The following PHF21B variants were observed in gnomAD, a reference collection of about 807,000 sequenced individuals.
PHF21B encodes the protein PHD finger protein 21B.
A neutral mutation model predicts 62.2 loss-of-function variants in PHF21B; 22 were observed. The observed-to-expected ratio is 0.35, with a 90% CI of 0.25 to 0.51. The LOEUF (loss-of-function observed/expected upper bound fraction) is 0.51. Among genes scored for constraint, PHF21B ranks in the 20% least tolerant of loss-of-function variants. PHF21B has a pLI of 0.97. For missense variants in PHF21B, 701 were observed against 707.9 expected (o/e 0.99, Z 0.11); for synonymous variants, 341 against 314.7 (o/e 1.08, Z -0.88).
At chr22:44,889,892 G>T in intron 8 of PHF21B, 110 bp from the exon 9 acceptor site, 1 of 1,189,366 alleles carries the variant, frequency 8.4e-7, no homozygotes, top group Non-Finnish European at 1.1e-6. Flanking sequence ...CCCAGGGCAT[G>T]ATGGGAGCAT....
chr22:44,918,525 G>A (rs1035901624), intron 3 of PHF21B, among the ~76,000 whole-genome samples: 6 of 152,150 alleles, frequency 3.9e-5, no homozygotes, highest in African/African-American at 1.2e-4. Context: ...GGAAGCCCCC[G>A]GGTCCACCCT....
At chr22:44,907,395 G>A (rs2071269400) in intron 5 of PHF21B, among the ~76,000 whole-genome samples, 1 of 152,222 alleles carries the variant, frequency 6.6e-6, no homozygotes, top group African/African-American at 2.4e-5. Flanking sequence ...TCCTAAAGGG[G>A]ACACGATCCC....
chr22:44,999,568 A>G (rs1187074125), intron 2 of PHF21B, among the ~76,000 whole-genome samples: 1 of 152,104 alleles, frequency 6.6e-6, no homozygotes, highest in East Asian at 1.9e-4. Context: ...GACGGTTACT[A>G]ACTTGCTGGG....
At chr22:44,905,294 T>C (rs1331800157) in intron 5 of PHF21B, among the ~76,000 whole-genome samples, 2 of 152,238 alleles carry the variant, frequency 1.3e-5, no homozygotes, top group African/African-American at 4.8e-5. Flanking sequence ...AAAGCACTAA[T>C]TATCTCTGTT....
At chr22:44,934,529 C>T (rs1042130650) in intron 2 of PHF21B, among the ~76,000 whole-genome samples, 27 of 152,274 alleles carry the variant, frequency 1.8e-4, no homozygotes, top group African/African-American at 6.0e-4. Context: ...AGAGCCCTCC[C>T]CTGCCAGGGC....
At chr22:44,996,160 T>C (rs1334360152) in intron 2 of PHF21B, among the ~76,000 whole-genome samples, 1 of 151,990 alleles carries the variant, frequency 6.6e-6, no homozygotes, top group Non-Finnish European at 1.5e-5. Context: ...AGGGGCTCGG[T>C]CTCTCCAGCG....
chr22:44,984,358 T>C lies in PHF21B; in HGVS notation c.120+24187A>G, dbSNP rs2147486879. 2.0e-5 allele frequency among the ~76,000 whole-genome samples: 3 copies of C among 151,596 alleles called. No individual in the cohort carries two copies. In the South Asian group the frequency reaches 6.3e-4, roughly 32 times the overall value. The stretch of plus-strand genomic sequence containing the variant: ...AGCATGACCTTCACATCTTTCCATC[T>C]GGTCAGGTGGCCAGGGAAAAGGTTA... On this transcript the variant is annotated intron_variant, in intron 2 of 12. Coordinates refer to ENST00000313237, the MANE Select transcript of PHF21B (RefSeq NM_138415.5).
At chr22:44,886,604 T>G (rs2070863305) in intron 10 of PHF21B, among the ~76,000 whole-genome samples, 1 of 151,844 alleles carries the variant, frequency 6.6e-6, no homozygotes, top group South Asian at 2.1e-4. Context: ...GGAAGATTGT[T>G]TGAGCCCCGA....
intron 2 of PHF21B, among the ~76,000 whole-genome samples, chr22:44,931,640 T>TGGGGG (rs136690): frequency 1.8e-5 from 1 of 54,604 alleles, no homozygotes; most frequent in East Asian, 5.3e-4. Context: ...GTTGTGATCT[T>TGGGGG]GGGGGGGGGG....
chr22:44,899,285 C>CTTTTTTTTTTTTTTT (rs71188499), intron 5 of PHF21B, among the ~76,000 whole-genome samples: 1 of 97,560 alleles, frequency 1.0e-5, no homozygotes. Flanking sequence ...TGTTCTTATT[C>CTTTTTTTTTTTTTTT]TTTTTTTTTT....
intron 2 of PHF21B, among the ~76,000 whole-genome samples, chr22:45,005,247 C>A (rs992801513): frequency 2.6e-5 from 4 of 152,230 alleles, no homozygotes; most frequent in African/African-American, 9.7e-5. Flanking sequence ...AGAAGAGGGC[C>A]CTCCACTATC....
rs747145219 is a variant in PHF21B, at chr22:44,916,569, G to C, written c.275C>G (p.Pro92Arg). The change falls in exon 4 of 13, where the codon CCC (proline) becomes CGC (arginine). Residue 92 changes from proline to arginine, a missense_variant. Physicochemically the swap from Pro to Arg is moderately radical, Grantham distance 103. Transcript: ENST00000313237. ...CTTCTGGAATGTTGGGGGCTGCTTGGGTGGCCGGTCCCGGCCCGGGGCAAC... is the reference window on the plus strand; with the variant it reads ...CTTCTGGAATGTTGGGGGCTGCTTGCGTGGCCGGTCCCGGCCCGGGGCAAC... ...LPVAPGRDRP[P>R]KQPPTFQKAT... 16 of 1,607,658 alleles carry C rather than the reference G, an allele frequency of 1.0e-5. No homozygotes were observed. Among genetic ancestry groups the C allele is most frequent in the Non-Finnish European group, 1.4e-5 (16 of 1,179,908 alleles).
chr22:44,971,960 C>A (rs1007354370), intron 2 of PHF21B, among the ~76,000 whole-genome samples: 5 of 152,220 alleles, frequency 3.3e-5, no homozygotes, highest in African/African-American at 9.6e-5. Flanking sequence ...GGTTAAGCAA[C>A]TCCTATCCCT....
chr22:44,900,629 T>G (rs960665801), intron 5 of PHF21B, among the ~76,000 whole-genome samples: 1 of 152,234 alleles, frequency 6.6e-6, no homozygotes, highest in Non-Finnish European at 1.5e-5. Flanking sequence ...CTGTAGCCTT[T>G]AAACTTGAAG....
At chr22:44,895,765 T>A (rs1239207832) in intron 6 of PHF21B, among the ~76,000 whole-genome samples, 1 of 151,982 alleles carries the variant, frequency 6.6e-6, no homozygotes, top group Non-Finnish European at 1.5e-5. Flanking sequence ...CCAGGGCGAG[T>A]CTGGAAGGCT....
intron 2 of PHF21B, among the ~76,000 whole-genome samples, chr22:44,947,766 G>T (rs2072104617): frequency 6.6e-6 from 1 of 152,304 alleles, no homozygotes; most frequent in East Asian, 1.9e-4. Context: ...ACCAGGGTGT[G>T]GCCCTGGCTC....
chr22:44,935,650 C>T (rs904546142), intron 2 of PHF21B, among the ~76,000 whole-genome samples: 1 of 151,874 alleles, frequency 6.6e-6, no homozygotes, highest in East Asian at 1.9e-4. Context: ...AACAGAAGCA[C>T]ATGGCTCACA....
intron 5 of PHF21B, among the ~76,000 whole-genome samples, chr22:44,903,716 T>A (rs1427793500): frequency 6.6e-6 from 1 of 152,218 alleles, no homozygotes; most frequent in Non-Finnish European, 1.5e-5. Flanking sequence ...CAAATGCATA[T>A]CCCAAACGAT....
intron 6 of PHF21B, among the ~76,000 whole-genome samples, chr22:44,895,489 C>G (rs2071040083): frequency 6.6e-6 from 1 of 152,184 alleles, no homozygotes; most frequent in South Asian, 2.1e-4. Flanking sequence ...AGTCCGCAGG[C>G]TAGTATGACG....
Sources: allele counts gnomAD v4.1 joint callset (sites outside exome capture counted in the v4.1 genomes callset), GRCh38; gene constraint gnomAD v4.1.1; transcripts MANE v1.5; gene names NCBI Gene and HGNC (gene_info 2026-07-23, HGNC 2026-07-21).